PIK3C2A: variants seen among roughly 807,000 people sequenced by gnomAD.
PIK3C2A encodes phosphatidylinositol-4-phosphate 3-kinase catalytic subunit type 2 alpha, also known as phosphatidylinositol 4-phosphate 3-kinase C2 domain-containing subunit alpha.
PIK3C2A carries 97 observed loss-of-function variants against 204.5 expected under a neutral mutation model. The ratio of observed to expected loss-of-function variants is 0.47; its 90% CI spans 0.40 to 0.56. PIK3C2A has a LOEUF of 0.56. Among genes scored for constraint, PIK3C2A ranks in the 20% least tolerant of loss-of-function variants. The pLI is 0.00. For synonymous variants in PIK3C2A, 653 were observed against 664.4 expected (o/e 0.98, Z 0.26); for missense variants, 1,735 against 1,969.2 (o/e 0.88, Z 2.25).
chr11:17,097,407 C>T (rs1848485470), intron 26 of PIK3C2A, 143 bp from the exon 27 acceptor site: 3 of 618,880 alleles, frequency 4.8e-6, no homozygotes, highest in South Asian at 4.0e-5. Context: ...CTTTGTTCTA[C>T]AGGCCAAAGG....
At chr11:17,138,333 T>G (rs1849943756) in intron 8 of PIK3C2A, 2 of 478,030 alleles carry the variant, frequency 4.2e-6, no homozygotes, top group African/African-American at 3.9e-5. Flanking sequence ...TCCTTTTTTT[T>G]TTTTTTTTAA....
chr11:17,135,267 T>A, intron 9 of PIK3C2A, 108 bp from the exon 10 acceptor site: 1 of 980,428 alleles, frequency 1.0e-6, no homozygotes. Flanking sequence ...CTCCCAAGTA[T>A]CTACAGAATT....
chr11:17,112,704 G>T, intron 20 of PIK3C2A, 38 bp from the exon 21 acceptor site: 1 of 1,093,698 alleles, frequency 9.1e-7, no homozygotes, highest in Non-Finnish European at 1.3e-6. Flanking sequence ...AAAGATAAAT[G>T]AAAATGGATT....
chr11:17,094,967 AG>A (rs1340372943), intron 27 of PIK3C2A, among the ~76,000 whole-genome samples: 9 of 152,152 alleles, frequency 5.9e-5, no homozygotes, highest in East Asian at 1.9e-4. Flanking sequence ...TAAAAGTGTA[AG>A]CTGGGCACGG....
intron 1 of PIK3C2A, among the ~76,000 whole-genome samples, chr11:17,197,067 G>A (rs1852187177): frequency 6.6e-6 from 1 of 151,986 alleles, no homozygotes; most frequent in Non-Finnish European, 1.5e-5. Context: ...GGGAGGCTGA[G>A]GTGGGAGGAT....
rs553070074 is a variant in PIK3C2A at position 17,131,067 on chromosome 11, A to G, written c.2231+849T>C. The stretch of plus-strand genomic sequence containing the variant: ...GCCAGGCGTGGTGGCGCATGCCTGT[A>G]ATCCCAGTTACTCAGGAGGCTGAGA... On this transcript the variant is annotated intron_variant, in intron 12 of 32. Coordinates refer to ENST00000691414, the MANE Select transcript of PIK3C2A (RefSeq NM_002645.4). Among the ~76,000 whole-genome samples the G allele has an allele frequency of 3.3e-5, 5 of 152,216 alleles. No individual in the cohort carries two copies. In the East Asian group the frequency reaches 9.7e-4, roughly 30 times the overall value.
chr11:17,117,708 GTTTT>G (rs35485246), intron 18 of PIK3C2A, 37 bp from the exon 19 acceptor site: 1,526 of 317,714 alleles, frequency 4.8e-3, no homozygotes, highest in East Asian at 8.4e-3. Flanking sequence ...TCACGTCTTG[GTTTT>G]TTTTTTTTTT....
At chr11:17,144,262 A>C (rs1447045663) in intron 8 of PIK3C2A, among the ~76,000 whole-genome samples, 1 of 152,166 alleles carries the variant, frequency 6.6e-6, no homozygotes, top group East Asian at 1.9e-4. Context: ...CCCTTCTAAG[A>C]GGCCTTCTTT....
chr11:17,154,219 G>A (rs569449157), intron 3 of PIK3C2A, among the ~76,000 whole-genome samples: 1 of 152,196 alleles, frequency 6.6e-6, no homozygotes, highest in South Asian at 2.1e-4. Flanking sequence ...AAGCTTAAAT[G>A]TAGTAGTTAC....
intron 1 of PIK3C2A, among the ~76,000 whole-genome samples, chr11:17,180,529 A>AAC (rs1555035637): frequency 5.1e-4 from 44 of 86,384 alleles, no homozygotes; most frequent in African/African-American, 1.7e-3. Flanking sequence ...AACAAAAAAC[A>AAC]AAAAAAAAAA....
rs1851273770 is a variant in PIK3C2A at position 17,174,402 on chromosome 11, A to G, written c.-65-4596T>C. On this transcript the variant is annotated intron_variant, in intron 1 of 32. Transcript: ENST00000691414. ...GGAGATCGAGACCATCCTGGCTAAA[A>G]CGGTGAAACCCCGTCTCTACTAAAA... is the stretch of plus-strand genomic sequence containing the variant. Among the ~76,000 whole-genome samples the G allele has an allele frequency of 2.5e-5, 2 of 80,780 alleles. 1 individual carries two copies. The highest frequency in any genetic ancestry group is 9.9e-4 in the South Asian group (2 of 2,016). 53.0% of individuals were successfully genotyped at this position (80,780 alleles called of 152,430 possible).
intron 3 of PIK3C2A, among the ~76,000 whole-genome samples, chr11:17,154,623 T>C (rs1259666281): frequency 6.6e-6 from 1 of 152,148 alleles, no homozygotes; most frequent in Non-Finnish European, 1.5e-5. Context: ...TTTCCTCCTA[T>C]GGGTGTTTCC....
chr11:17,170,277 A>C (rs2137491974), intron 1 of PIK3C2A, among the ~76,000 whole-genome samples: 1 of 152,348 alleles, frequency 6.6e-6, no homozygotes, highest in East Asian at 1.9e-4. Flanking sequence ...AAAAACATCC[A>C]ATACCTAGTC....
At chr11:17,205,052 C>CA (rs1852517340) in intron 1 of PIK3C2A, among the ~76,000 whole-genome samples, 1 of 151,892 alleles carries the variant, frequency 6.6e-6, no homozygotes, top group South Asian at 2.1e-4. Flanking sequence ...TGGTGTGCAC[C>CA]TGTAATCCCA....
At chr11:17,095,052 C>T (rs961487911) in intron 27 of PIK3C2A, among the ~76,000 whole-genome samples, 4 of 152,070 alleles carry the variant, frequency 2.6e-5, no homozygotes, top group African/African-American at 7.2e-5. Flanking sequence ...AGTTAGAGAC[C>T]AGCCTGTGCA....
intron 19 of PIK3C2A, among the ~76,000 whole-genome samples, chr11:17,116,432 T>C (rs1285991029): frequency 6.6e-6 from 1 of 152,140 alleles, no homozygotes; most frequent in East Asian, 1.9e-4. Context: ...AACCCTTCTA[T>C]ATTGCTGGTG....
At chr11:17,098,027 T>G (rs1362449098) in intron 26 of PIK3C2A, among the ~76,000 whole-genome samples, 1 of 152,166 alleles carries the variant, frequency 6.6e-6, no homozygotes, top group East Asian at 1.9e-4. Flanking sequence ...GGTAATCATA[T>G]TTTCATTCAG....
At chr11:17,189,008 G>A (rs1171638538) in intron 1 of PIK3C2A, among the ~76,000 whole-genome samples, 1 of 146,866 alleles carries the variant, frequency 6.8e-6, no homozygotes, top group African/African-American at 2.7e-5. Flanking sequence ...AAGGCAAGAA[G>A]CACAATTAAA....
intron 25 of PIK3C2A, among the ~76,000 whole-genome samples, 172 bp downstream of exon 25, chr11:17,101,106 T>C (rs1430417168): frequency 2.6e-5 from 4 of 152,230 alleles, no homozygotes; most frequent in Non-Finnish European, 5.9e-5. Flanking sequence ...TAGGTACTCT[T>C]GTGTCTGGCT....
Sources: gnomAD v4.1 joint callset for allele counts (sites outside exome capture counted in the v4.1 genomes callset) on GRCh38, gnomAD v4.1.1 for gene constraint, MANE v1.5 for transcripts, NCBI Gene and HGNC (gene_info 2026-07-23, HGNC 2026-07-21) for gene names.